UGT2A1: variants seen among roughly 807,000 people sequenced by gnomAD.
The protein encoded by UGT2A1 is UDP-glucuronosyltransferase 2A1.
UGT2A1 carries 61 observed loss-of-function variants against 45.4 expected under a neutral mutation model. The observed-to-expected ratio is 1.34, with a 90% CI of 1.09 to 1.66. The LOEUF (loss-of-function observed/expected upper bound fraction) is 1.66, where lower values mean the gene tolerates loss of function less well. Ranked by LOEUF, UGT2A1 falls within the 40% of genes most tolerant of loss-of-function variation. The pLI, the probability that UGT2A1 is intolerant of heterozygous loss-of-function variation, is 0.00. For synonymous variants in UGT2A1, 229 were observed against 196.2 expected, an observed-to-expected ratio of 1.17 and a Z score of -1.40; for missense variants, 649 against 574.3, an observed-to-expected ratio of 1.13 and a Z score of -1.33.
In UGT2A1 at chr4:69,647,220, C is replaced by T; in HGVS notation, c.425G>A (p.Ser142Asn). The change falls in exon 2 of 7, where the codon AGC becomes AAC. Residue 142 changes from serine to asparagine, a missense_variant. Physicochemically the swap from Ser to Asn is conservative, Grantham distance 46. Transcript: ENST00000286604. Reference protein sequence around the residue: ...NQQLMAKLKKSKFEVLVSDPV... With the variant: ...NQQLMAKLKKNKFEVLVSDPV... ...ATCAGACACCAGGACTTCAAACTTG[C>T]TTTTCTTTAGCTTTGCCATCAGCTG... 6.2e-7 allele frequency: 1 copy of T among 1,613,272 alleles called. No homozygotes were observed. Among genetic ancestry groups the T allele is most frequent in the Non-Finnish European group, 8.5e-7 (1 of 1,179,456 alleles).
At chr4:69,593,732 T>C (rs1718719375) in intron 6 of UGT2A1, among the ~76,000 whole-genome samples, 1 of 151,832 alleles carries the variant, frequency 6.6e-6, no homozygotes. Context: ...TCTCTCTGTG[T>C]GTATACATAT....
At chr4:69,616,970 A>G (rs572813640) in intron 3 of UGT2A1, among the ~76,000 whole-genome samples, 2 of 150,984 alleles carry the variant, frequency 1.3e-5, no homozygotes, top group Admixed American at 1.3e-4. Context: ...TGCTTTTTCC[A>G]CTACTGTTTT....
rs556985597 is a variant in UGT2A1 at position 69,630,432 on chromosome 4, C to A, written c.847+5259G>T. On this transcript the variant is annotated intron_variant, in intron 3 of 6. Coordinates refer to ENST00000286604, the MANE Select transcript of UGT2A1 (RefSeq NM_001252275.3). ...GCTACCTTTGTCATTTCCCCAGCAC[C>A]ACAAGCCATAGTTTTTATCAACCAT... is the stretch of plus-strand genomic sequence containing the variant. 5.3e-5 allele frequency among the ~76,000 whole-genome samples: 8 copies of A among 152,172 alleles called. No homozygotes were observed. In the South Asian group the frequency reaches 1.5e-3, roughly 28 times the overall value.
chr4:69,637,369 G>A (rs1381368869), intron 2 of UGT2A1, among the ~76,000 whole-genome samples: 1 of 152,050 alleles, frequency 6.6e-6, no homozygotes, highest in Non-Finnish European at 1.5e-5. Flanking sequence ...TATTGCAAGA[G>A]TTTTGCAATA....
chr4:69,605,201 C>T (rs1719534790), intron 3 of UGT2A1, among the ~76,000 whole-genome samples: 1 of 136,692 alleles, frequency 7.3e-6, no homozygotes, highest in African/African-American at 3.0e-5. Flanking sequence ...TGTAAAAGAA[C>T]AGAAATTATA....
In UGT2A1 at chr4:69,589,273, C is replaced by A; in HGVS notation, c.*99G>T. ...GAAAATTTGGAAACAGGATGGGAGA[C>A]GTGTTTTTGTTAAACTCCTTTTGTC... On this transcript the variant is annotated 3_prime_UTR_variant, in exon 7 of 7. Coordinates refer to ENST00000286604, the MANE Select transcript of UGT2A1 (RefSeq NM_001252275.3). 1 of 1,371,572 alleles carries A rather than the reference C, an allele frequency of 7.3e-7. No homozygotes were observed. Among genetic ancestry groups the A allele is most frequent in the Non-Finnish European group, 9.6e-7 (1 of 1,042,458 alleles). The allele number at this position is 1,371,572 out of a possible 1,614,324, so 85.0% of individuals were successfully genotyped here. A position where few individuals can be genotyped will look rare whatever the true frequency, so the allele number is the denominator to read the frequency against.
At chr4:69,595,710 T>C (rs966404128) in intron 4 of UGT2A1, among the ~76,000 whole-genome samples, 2 of 152,206 alleles carry the variant, frequency 1.3e-5, no homozygotes, top group African/African-American at 2.4e-5. Context: ...AGAAATTGCA[T>C]GTTGTTGGAC....
chr4:69,609,425 C>A (rs1220370306), intron 3 of UGT2A1, among the ~76,000 whole-genome samples: 1 of 151,924 alleles, frequency 6.6e-6, no homozygotes, highest in African/African-American at 2.4e-5. Context: ...GCCTCAAACT[C>A]CTGGGCTCAA....
intron 1 of UGT2A1, among the ~76,000 whole-genome samples, chr4:69,648,803 C>A (rs1296883994): frequency 2.0e-5 from 3 of 151,960 alleles, no homozygotes; most frequent in Non-Finnish European, 4.4e-5. Context: ...TGCACTTGAA[C>A]CCCTAAATCT....
chr4:69,629,375 C>G (rs1721262104), intron 3 of UGT2A1, among the ~76,000 whole-genome samples: 1 of 152,218 alleles, frequency 6.6e-6, no homozygotes. Flanking sequence ...GGGCTCATAC[C>G]TGGCTCCTAA....
chr4:69,647,226 T>C lies in UGT2A1; in HGVS notation c.419A>G (p.Lys140Arg), dbSNP rs1320724380. Residue 140 changes from lysine (K) to arginine (R), a missense_variant, in exon 2 of 7, where the codon AAG (lysine) becomes AGG (arginine). By Grantham distance (26) the Lys-to-Arg change is conservative. Coordinates refer to ENST00000286604, the MANE Select transcript of UGT2A1 (RefSeq NM_001252275.3). ...LKNQQLMAKL[K>R]KSKFEVLVSD... ...CACCAGGACTTCAAACTTGCTTTTC[T>C]TTAGCTTTGCCATCAGCTGTTGGTT... 1 of 1,613,314 alleles carries C rather than the reference T, an allele frequency of 6.2e-7. No individual in the cohort carries two copies. The highest frequency in any genetic ancestry group is 1.7e-5 in the Admixed American group (1 of 59,910).
At chr4:69,618,221 TTG>T (rs112693693) in intron 3 of UGT2A1, among the ~76,000 whole-genome samples, 5 of 144,640 alleles carry the variant, frequency 3.5e-5, no homozygotes, top group Middle Eastern at 3.2e-3. Flanking sequence ...GTGTGTATGT[TTG>T]TGTGTGTGTG....
In UGT2A1 at chr4:69,589,222, G is replaced by A. The variant is rs1357992023; in HGVS notation, c.*150C>T. 4.0e-6 allele frequency: 4 copies of A among 1,009,828 alleles called. No homozygotes were observed. The highest frequency in any genetic ancestry group is 5.5e-6 in the Non-Finnish European group (4 of 733,618). 62.6% of individuals were successfully genotyped at this position (1,009,828 alleles called of 1,614,324 possible). A position where few individuals can be genotyped will look rare whatever the true frequency, so the allele number is the denominator to read the frequency against. The stretch of plus-strand genomic sequence containing the variant: ...TCATGCCAAAATCTAGGCTTTATCA[G>A]TAGGCTTATCGCAGGTAGAGAAATA... On this transcript the variant is annotated 3_prime_UTR_variant, in exon 7 of 7. Transcript: ENST00000286604.
At position 69,599,332 on chromosome 4, in the gene UGT2A1, A is replaced by C. The variant is rs748441586; in HGVS notation, c.910T>G (p.Trp304Gly). Residue 304 changes from tryptophan to glycine, a missense_variant, in exon 4 of 7, where the codon TGG becomes GGG. Coordinates refer to ENST00000286604, the MANE Select transcript of UGT2A1 (RefSeq NM_001252275.3). ...KAEIWLIRTY[W>G]DFEFPRPYLP... is the part of the protein sequence containing the mutation. Reference sequence around the variant, plus strand: ...TATGGACGAGGAAATTCAAAATCCCAATATGTTCGGATTAACCAAATTTCA... The same window carrying C: ...TATGGACGAGGAAATTCAAAATCCCCATATGTTCGGATTAACCAAATTTCA... 1 of 1,613,862 alleles carries C rather than the reference A, an allele frequency of 6.2e-7. No homozygotes were observed. Among genetic ancestry groups the C allele is most frequent in the Non-Finnish European group, 8.5e-7 (1 of 1,179,920 alleles).
At chr4:69,650,281 C>G (rs1722464223) in intron 1 of UGT2A1, among the ~76,000 whole-genome samples, 1 of 152,048 alleles carries the variant, frequency 6.6e-6, no homozygotes, top group South Asian at 2.1e-4. Flanking sequence ...GCAGTACCTA[C>G]TAGGTAGAAG....
At chr4:69,598,420 C>A (rs779585391) in intron 4 of UGT2A1, among the ~76,000 whole-genome samples, 1 of 152,030 alleles carries the variant, frequency 6.6e-6, no homozygotes, top group Non-Finnish European at 1.5e-5. Flanking sequence ...TTCTGTATAA[C>A]ATTTCTTATA....
In UGT2A1 at chr4:69,646,963, T is replaced by G. The variant is rs760067514; in HGVS notation, c.682A>C (p.Lys228Gln). ...LQDYMFETLW[K>Q]SWDSYYSKAL... ...TTACTATAGTATGAATCCCATGATT[T>G]CCAAAGAGTTTCAAACATGTAGTCC... Residue 228 changes from lysine (K) to glutamine (Q), a missense_variant, in exon 2 of 7, where the codon AAA (lysine) becomes CAA (glutamine). Physicochemically the swap from Lys to Gln is moderately conservative, Grantham distance 53. Coordinates refer to ENST00000286604, the MANE Select transcript of UGT2A1 (RefSeq NM_001252275.3). 6.2e-7 allele frequency: 1 copy of G among 1,600,314 alleles called. No homozygotes were observed. Among genetic ancestry groups the G allele is most frequent in the Admixed American group, 1.7e-5 (1 of 57,592 alleles).
intron 3 of UGT2A1, among the ~76,000 whole-genome samples, chr4:69,620,768 A>T (rs1577978491): frequency 6.6e-6 from 1 of 152,084 alleles, no homozygotes. Context: ...TAACCAAAAC[A>T]GTATGGCACT....
chr4:69,638,056 C>T (rs777815912), intron 2 of UGT2A1, among the ~76,000 whole-genome samples: 18 of 151,572 alleles, frequency 1.2e-4, no homozygotes, highest in African/African-American at 1.7e-4. Flanking sequence ...AAAAAAGGAA[C>T]GACCAAGGGG....
Sources: gnomAD v4.1 joint callset for allele counts (sites outside exome capture counted in the v4.1 genomes callset) on GRCh38, gnomAD v4.1.1 for gene constraint, MANE v1.5 for transcripts, NCBI Gene and HGNC (gene_info 2026-07-23, HGNC 2026-07-21) for gene names.